Variants in ADAMTS14 observed in about 807,000 individuals in gnomAD.
ADAMTS14 encodes A disintegrin and metalloproteinase with thrombospondin motifs 14.
ADAMTS14 carries 100 observed loss-of-function variants against 128.6 expected under a neutral mutation model. The observed-to-expected ratio is 0.78, with a 90% CI of 0.66 to 0.92. The LOEUF (loss-of-function observed/expected upper bound fraction) is 0.92. Ranked by LOEUF, ADAMTS14 falls within the 40% of genes least tolerant of loss-of-function variation. The pLI, the probability that ADAMTS14 is intolerant of heterozygous loss-of-function variation, is 0.00. For missense variants in ADAMTS14, 1,562 were observed against 1,658.6 expected (o/e 0.94, Z 1.01); for synonymous variants, 665 against 653.8 (o/e 1.02, Z -0.26).
chr10:70,673,994 A>C (rs953521842), intron 1 of ADAMTS14, among the ~76,000 whole-genome samples: 2 of 152,182 alleles, frequency 1.3e-5, no homozygotes, highest in Admixed American at 1.3e-4. Context: ...TCCTGTAAAA[A>C]GTTTTCTTTC....
rs373270115 is a variant in ADAMTS14, at chr10:70,731,544, G to T, written c.1103-710G>T. ...GCCTCATGCATGGTAGTGCTTAGCT[G>T]GTGCCGGCCCCCCTGCACTGCCATG... On this transcript the variant is annotated intron_variant, in intron 6 of 21. Transcript: ENST00000373207. Among the ~76,000 whole-genome samples, 155 of 152,264 alleles carry T rather than the reference G, an allele frequency of 1.0e-3. 1 individual carries two copies. The highest frequency in any genetic ancestry group is 3.1e-3 in the South Asian group (15 of 4,824).
chr10:70,729,227 A>C, intron 4 of ADAMTS14, 67 bp from the exon 5 acceptor site: 1 of 1,349,968 alleles, frequency 7.4e-7, no homozygotes, highest in Non-Finnish European at 1.1e-6. Flanking sequence ...TACCTACCCC[A>C]GTACCTGGCA....
At chr10:70,755,318 A>G (rs1242532421) in intron 19 of ADAMTS14, among the ~76,000 whole-genome samples, 1 of 151,358 alleles carries the variant, frequency 6.6e-6, no homozygotes, top group African/African-American at 2.4e-5. Context: ...TCTCACAAAA[A>G]AAAAAAAAAA....
At chr10:70,745,814 C>A (rs1392647999) in intron 15 of ADAMTS14, among the ~76,000 whole-genome samples, 1 of 152,096 alleles carries the variant, frequency 6.6e-6, no homozygotes, top group East Asian at 1.9e-4. Flanking sequence ...GCTGGTAGGT[C>A]TCTGGGAGCT....
chr10:70,750,044 C>T, intron 16 of ADAMTS14, 59 bp downstream of exon 16: 1 of 1,586,352 alleles, frequency 6.3e-7, no homozygotes. Context: ...CCTTAGCTCG[C>T]TACATCTGCT....
chr10:70,675,044 T>G (rs1238617035), intron 2 of ADAMTS14, 49 bp downstream of exon 2: 1 of 1,584,262 alleles, frequency 6.3e-7, no homozygotes, highest in Non-Finnish European at 8.6e-7. Context: ...TCCCATGCCC[T>G]GCTCACATGG....
chr10:70,761,020 TGGGAGGAAGAC>T lies in ADAMTS14; in HGVS notation c.*168_*178del. ...ATGCTCTTTACCCCACAAAGCGGGGTGGGAGGAAGACAAAGATCAGGGAAAGCCCTAATCGG... is the reference window on the plus strand; with the variant it reads ...ATGCTCTTTACCCCACAAAGCGGGGTAAAGATCAGGGAAAGCCCTAATCGG... On this transcript the variant is annotated 3_prime_UTR_variant, in exon 22 of 22. Transcript: ENST00000373207. The T allele has an allele frequency of 9.4e-7, 1 of 1,059,280 alleles. No individual in the cohort carries two copies. Among genetic ancestry groups the T allele is most frequent in the Non-Finnish European group, 1.3e-6 (1 of 774,816 alleles). The allele number at this position is 1,059,280 out of a possible 1,614,324, so 65.6% of individuals were successfully genotyped here. A position where few individuals can be genotyped will look rare whatever the true frequency, so the allele number is the denominator to read the frequency against.
intron 21 of ADAMTS14, 63 bp from the exon 22 acceptor site, chr10:70,760,297 G>C: frequency 6.7e-7 from 1 of 1,501,492 alleles, no homozygotes. Context: ...TGGGAGGGGG[G>C]GCCACCTGAC....
intron 2 of ADAMTS14, among the ~76,000 whole-genome samples, chr10:70,696,354 AG>A (rs1193934850): frequency 1.4e-5 from 2 of 138,290 alleles, no homozygotes; most frequent in Non-Finnish European, 3.1e-5. Flanking sequence ...GAGACTGGGC[AG>A]GGGGGCAGTG....
rs1253513335 is a variant in ADAMTS14, at chr10:70,672,574, C to G, written c.-229C>G. ...GTGCGCTGGCGCGTCAGTGGCCCCG[C>G]TCTCCAGCCGGCAGCCTCGCGCGCC... is the stretch of plus-strand genomic sequence containing the variant. On this transcript the variant is annotated 5_prime_UTR_variant, in exon 1 of 22. Coordinates refer to ENST00000373207, the MANE Select transcript of ADAMTS14 (RefSeq NM_080722.4). Among the ~76,000 whole-genome samples the G allele has an allele frequency of 6.6e-6, 1 of 151,500 alleles. No individual in the cohort carries two copies. The highest frequency in any genetic ancestry group is 2.4e-5 in the African/African-American group (1 of 41,374).
intron 12 of ADAMTS14, among the ~76,000 whole-genome samples, chr10:70,742,906 C>T (rs1346454457): frequency 6.6e-6 from 1 of 152,220 alleles, no homozygotes; most frequent in Non-Finnish European, 1.5e-5. Flanking sequence ...AACCCAGATA[C>T]AGACCACTTT....
intron 3 of ADAMTS14, among the ~76,000 whole-genome samples, chr10:70,704,826 TCA>T (rs1480823008): frequency 1.3e-5 from 2 of 151,534 alleles, no homozygotes; most frequent in South Asian, 4.2e-4. Context: ...ACCCTCATGC[TCA>T]CACACTGACG....
At chr10:70,752,828 T>G (rs1469464682) in intron 18 of ADAMTS14, among the ~76,000 whole-genome samples, 3 of 152,122 alleles carry the variant, frequency 2.0e-5, no homozygotes, top group Admixed American at 1.3e-4. Context: ...GCTGGGCATG[T>G]AATTGGGGCA....
intron 2 of ADAMTS14, among the ~76,000 whole-genome samples, chr10:70,681,716 C>T (rs1839811233): frequency 1.3e-5 from 2 of 152,248 alleles, no homozygotes; most frequent in Admixed American, 1.3e-4. Flanking sequence ...ACATTCCACC[C>T]TGCTTTGGAG....
At chr10:70,707,332 C>T (rs1840698524) in intron 3 of ADAMTS14, among the ~76,000 whole-genome samples, 1 of 152,184 alleles carries the variant, frequency 6.6e-6, no homozygotes, top group Non-Finnish European at 1.5e-5. Context: ...GTCCCAGCCT[C>T]CTATCTGGGG....
intron 4 of ADAMTS14, among the ~76,000 whole-genome samples, chr10:70,715,749 G>A (rs1331996829): frequency 6.6e-6 from 1 of 152,154 alleles, no homozygotes; most frequent in Non-Finnish European, 1.5e-5. Flanking sequence ...TTGAAACTTG[G>A]CATTCCAGGG....
chr10:70,692,955 T>C (rs1002808618), intron 2 of ADAMTS14, among the ~76,000 whole-genome samples: 1 of 152,174 alleles, frequency 6.6e-6, no homozygotes, highest in Non-Finnish European at 1.5e-5. Context: ...AAAGAAGAAT[T>C]TTAGTTGGCT....
rs1459084354 is a variant in ADAMTS14 at position 70,753,838 on chromosome 10, G to A, written c.2768G>A (p.Cys923Tyr). 6.3e-7 allele frequency: 1 copy of A among 1,592,566 alleles called. No individual in the cohort carries two copies. Among genetic ancestry groups the A allele is most frequent in the East Asian group, 2.3e-5 (1 of 44,128 alleles). Residue 923 changes from cysteine to tyrosine, a missense_variant, in exon 19 of 22, where the codon TGT becomes TAT. Coordinates refer to ENST00000373207, the MANE Select transcript of ADAMTS14 (RefSeq NM_080722.4). ...GAGTGGGGTGCCTGCAGCCGGAGCT[G>A]TGGGAAGCTGGGGGTGCAGACACGG... ...TEEWGACSRS[C>Y]GKLGVQTRGI...
At chr10:70,744,760 G>C (rs977452816) in intron 14 of ADAMTS14, among the ~76,000 whole-genome samples, 5 of 152,124 alleles carry the variant, frequency 3.3e-5, no homozygotes, top group African/African-American at 1.2e-4. Context: ...TGATTGTTGG[G>C]GACAAGGTTG....
Sources: allele counts gnomAD v4.1 joint callset (sites outside exome capture counted in the v4.1 genomes callset), GRCh38; gene constraint gnomAD v4.1.1; transcripts MANE v1.5; gene names NCBI Gene and HGNC (gene_info 2026-07-23, HGNC 2026-07-21).